Variants in CCBE1 observed in about 807,000 individuals in gnomAD.
CCBE1 encodes collagen and calcium binding EGF domains 1.
In CCBE1, 37 loss-of-function variants were observed where a neutral mutation model predicts 50.0. The observed-to-expected ratio is 0.74, with a 90% CI of 0.57 to 0.97. CCBE1 has a LOEUF of 0.97. CCBE1 is among the 50% of genes least tolerant of loss of function. CCBE1 has a pLI of 0.00. For synonymous variants in CCBE1, 234 were observed against 203.7 expected, an observed-to-expected ratio of 1.15 and a Z score of -1.27; for missense variants, 538 against 523.8, an observed-to-expected ratio of 1.03 and a Z score of -0.26.
chr18:59,512,465 T>A (rs1914173100), intron 2 of CCBE1, among the ~76,000 whole-genome samples: 1 of 152,076 alleles, frequency 6.6e-6, no homozygotes, highest in Non-Finnish European at 1.5e-5. Flanking sequence ...TGCAAGGGGG[T>A]ACAAGGGAAC....
rs118161406 is a variant in CCBE1, at chr18:59,580,453, G to A, written c.213-100215C>T. Among the ~76,000 whole-genome samples the A allele has an allele frequency of 2.0e-3, 305 of 152,282 alleles. 4 individuals carry two copies. The East Asian group carries it at 0.03, about 15-fold the overall frequency. ...GCTCTGACCACCTGGAGCACATGTCGTCAGGACCTCCTGAGGATGTGTCAT... is the reference window on the plus strand; with the variant it reads ...GCTCTGACCACCTGGAGCACATGTCATCAGGACCTCCTGAGGATGTGTCAT... On this transcript the variant is annotated intron_variant, in intron 2 of 10. Coordinates refer to ENST00000439986, the MANE Select transcript of CCBE1 (RefSeq NM_133459.4).
chr18:59,615,799 T>G lies in CCBE1; in HGVS notation c.212+80830A>C, dbSNP rs374948252. On this transcript the variant is annotated intron_variant, in intron 2 of 10. Coordinates refer to ENST00000439986, the MANE Select transcript of CCBE1 (RefSeq NM_133459.4). ...GGGACCTTTGTTTTGTTCACGGACA[T>G]AGCTAGAACAGTGCACATGGTAGGC... 6.6e-4 allele frequency among the ~76,000 whole-genome samples: 100 copies of G among 152,252 alleles called. No homozygotes were observed. The South Asian group carries it at 0.017, about 26-fold the overall frequency.
At chr18:59,499,188 G>A (rs994305141) in intron 2 of CCBE1, among the ~76,000 whole-genome samples, 7 of 152,186 alleles carry the variant, frequency 4.6e-5, no homozygotes, top group African/African-American at 1.7e-4. Context: ...ATACCATTAT[G>A]TTAGTGCATT....
intron 2 of CCBE1, among the ~76,000 whole-genome samples, chr18:59,653,368 T>C (rs2054150145): frequency 6.6e-6 from 1 of 152,208 alleles, no homozygotes; most frequent in South Asian, 2.1e-4. Flanking sequence ...TTAAACAATC[T>C]GGTCATGCTA....
intron 2 of CCBE1, among the ~76,000 whole-genome samples, chr18:59,609,077 T>C (rs982525781): frequency 6.6e-6 from 1 of 152,224 alleles, no homozygotes; most frequent in Non-Finnish European, 1.5e-5. Flanking sequence ...TTCTTGAAAC[T>C]TCCCCCTCTA....
Position 59,693,391 on chromosome 18 carries a change from C to A in CCBE1, c.212+3238G>T, listed in dbSNP as rs1271397497. 3.3e-5 allele frequency among the ~76,000 whole-genome samples: 5 copies of A among 152,220 alleles called. No homozygotes were observed. The East Asian group carries it at 9.7e-4, about 29-fold the overall frequency. ...TCCCCCAACTTGAGATGTGTGAAGG[C>A]TTTTGGTCTCCCTGAGAGTGGGTGG... On this transcript the variant is annotated intron_variant, in intron 2 of 10. Coordinates refer to ENST00000439986, the MANE Select transcript of CCBE1 (RefSeq NM_133459.4).
intron 2 of CCBE1, among the ~76,000 whole-genome samples, chr18:59,481,451 A>T (rs541776311): frequency 2.3e-4 from 35 of 152,330 alleles, no homozygotes; most frequent in African/African-American, 7.9e-4. Context: ...AGTGAGAGAC[A>T]TAAATTTTCA....
At chr18:59,595,456 C>T (rs1275837267) in intron 2 of CCBE1, among the ~76,000 whole-genome samples, 1 of 152,178 alleles carries the variant, frequency 6.6e-6, no homozygotes, top group Non-Finnish European at 1.5e-5. Context: ...TCAAGATTAA[C>T]TATAATAAAT....
intron 2 of CCBE1, among the ~76,000 whole-genome samples, chr18:59,564,329 A>G (rs2052785245): frequency 6.6e-6 from 1 of 152,210 alleles, no homozygotes; most frequent in South Asian, 2.1e-4. Context: ...CTTCCTATGC[A>G]CTAATTATAT....
At chr18:59,580,375 G>T (rs1275112873) in intron 2 of CCBE1, among the ~76,000 whole-genome samples, 1 of 152,176 alleles carries the variant, frequency 6.6e-6, no homozygotes, top group East Asian at 1.9e-4. Flanking sequence ...TGTTCATGTT[G>T]CATATGTTGA....
intron 2 of CCBE1, among the ~76,000 whole-genome samples, chr18:59,547,786 G>C (rs1162110994): frequency 6.6e-6 from 1 of 152,204 alleles, no homozygotes; most frequent in Admixed American, 6.5e-5. Context: ...GGGCGGCCCA[G>C]AAGCATGCTG....
chr18:59,669,173 T>C (rs191946134), intron 2 of CCBE1, among the ~76,000 whole-genome samples: 2 of 152,120 alleles, frequency 1.3e-5, no homozygotes, highest in Non-Finnish European at 1.5e-5. Flanking sequence ...ATTGCCTTTT[T>C]AGCTACACTT....
At chr18:59,619,976 G>A (rs999590988) in intron 2 of CCBE1, among the ~76,000 whole-genome samples, 1 of 152,196 alleles carries the variant, frequency 6.6e-6, no homozygotes, top group African/African-American at 2.4e-5. Flanking sequence ...CTGGACAAGA[G>A]AGGGCGGTAT....
chr18:59,435,678 CTT>C lies in CCBE1; in HGVS notation c.*228_*229del. 1 of 594,814 alleles carries C rather than the reference CTT, an allele frequency of 1.7e-6. No homozygotes were observed. The allele number at this position is 594,814 out of a possible 1,614,324, so 36.8% of individuals were successfully genotyped here. A position where few individuals can be genotyped will look rare whatever the true frequency, so the allele number is the denominator to read the frequency against. On this transcript the variant is annotated 3_prime_UTR_variant, in exon 11 of 11. Coordinates refer to ENST00000439986, the MANE Select transcript of CCBE1 (RefSeq NM_133459.4). ...ACAATGCAAACCACCCCAATGGACT[CTT>C]AGTGAGAAGCAGGTAAATCAATCAT...
intron 2 of CCBE1, among the ~76,000 whole-genome samples, chr18:59,614,617 A>C (rs2053615148): frequency 6.6e-6 from 1 of 152,190 alleles, no homozygotes; most frequent in African/African-American, 2.4e-5. Context: ...GCCCAGAAGG[A>C]AGGGCCTCAG....
chr18:59,444,143 G>C (rs1286882433), intron 7 of CCBE1, among the ~76,000 whole-genome samples: 1 of 152,094 alleles, frequency 6.6e-6, no homozygotes, highest in Non-Finnish European at 1.5e-5. Flanking sequence ...CTTATCCATT[G>C]ATGGACACCT....
At chr18:59,470,543 G>C (rs539945671) in intron 3 of CCBE1, among the ~76,000 whole-genome samples, 1 of 152,270 alleles carries the variant, frequency 6.6e-6, no homozygotes, top group South Asian at 2.1e-4. Flanking sequence ...AAGGGGTTGG[G>C]TGAGTTTGAA....
chr18:59,600,348 C>T (rs2053412925), intron 2 of CCBE1, among the ~76,000 whole-genome samples: 1 of 151,892 alleles, frequency 6.6e-6, no homozygotes, highest in Admixed American at 6.6e-5. Context: ...ATGGGACTAT[C>T]TAGTTGCAGG....
At chr18:59,682,028 G>C (rs1420497196) in intron 2 of CCBE1, among the ~76,000 whole-genome samples, 1 of 152,174 alleles carries the variant, frequency 6.6e-6, no homozygotes, top group Non-Finnish European at 1.5e-5. Flanking sequence ...GTTTCTGGAG[G>C]ACCCTGCAGT....
Sources: allele counts gnomAD v4.1 joint callset (sites outside exome capture counted in the v4.1 genomes callset), GRCh38; gene constraint gnomAD v4.1.1; transcripts MANE v1.5; gene names NCBI Gene and HGNC (gene_info 2026-07-23, HGNC 2026-07-21).